Variants in TRIP10 observed in about 807,000 individuals in gnomAD.
The protein encoded by TRIP10 is thyroid hormone receptor interactor 10.
TRIP10 carries 54 observed loss-of-function variants against 80.9 expected under a neutral mutation model. That is an observed-to-expected ratio of 0.67 (90% CI 0.54 to 0.84). The LOEUF (loss-of-function observed/expected upper bound fraction) is 0.84. Among genes scored for constraint, TRIP10 ranks in the 40% least tolerant of loss-of-function variants. The pLI is 0.00. For synonymous variants in TRIP10, 321 were observed against 307.2 expected (o/e 1.04, Z -0.47); for missense variants, 773 against 815.3 (o/e 0.95, Z 0.63).
In TRIP10 at chr19:6,745,146, C is replaced by CGGGTA. The variant is rs71309647; in HGVS notation, c.984+154_984+155insGTAGG. ...CAGCCCGGACTGGAGGGAAGGAAGG[C>CGGGTA]GGCCGATTGGCCTGGGAGTCCCCCG... is the stretch of plus-strand genomic sequence containing the variant. On this transcript the variant is annotated intron_variant, in intron 9 of 14. Transcript: ENST00000313244. This position sits in a 1 kb window ranked among gnomAD's most constrained non-coding sequence, Gnocchi z 7.2. 2 of 1,122,178 alleles carry CGGGTA rather than the reference C, an allele frequency of 1.8e-6. No individual in the cohort carries two copies. The highest frequency in any genetic ancestry group is 3.0e-5 in the Admixed American group (1 of 33,828). 69.5% of individuals were successfully genotyped at this position (1,122,178 alleles called of 1,614,324 possible).
rs774537632 is a variant in TRIP10, at chr19:6,741,182, G to A, written c.141-43G>A. On this transcript the variant is annotated intron_variant, in intron 2 of 14. Transcript: ENST00000313244. ...GCGCCTGGGGCGACGGGGAGCGGTGGGAGGGCTGCGGGCTCAGCCCTCCTA... is the reference window on the plus strand; with the variant it reads ...GCGCCTGGGGCGACGGGGAGCGGTGAGAGGGCTGCGGGCTCAGCCCTCCTA... 8 of 1,613,318 alleles carry A rather than the reference G, an allele frequency of 5.0e-6. No homozygotes were observed. The African/African-American group carries it at 8.0e-5, about 16-fold the overall frequency.
chr19:6,750,143 G>GGGGGC, intron 12 of TRIP10, 77 bp downstream of exon 12: 3 of 842,270 alleles, frequency 3.6e-6, no homozygotes, highest in Non-Finnish European at 5.6e-6. Context: ...GGGGGTCGGG[G>GGGGGC]ACAGGGGAGG....
At position 6,743,767 on chromosome 19, in the gene TRIP10, G is replaced by T. The variant is rs371193305; in HGVS notation, c.573G>T (p.Ala191=). 1 of 1,613,812 alleles carries T rather than the reference G, an allele frequency of 6.2e-7. No homozygotes were observed. Among genetic ancestry groups the T allele is most frequent in the Non-Finnish European group, 8.5e-7 (1 of 1,179,990 alleles). Residue 191 remains alanine, a synonymous_variant, in exon 7 of 15, where the codon GCG becomes GCT. Transcript: ENST00000313244. ...HMAEESKNEY[A]AQLQRFNRDQ... ...CCGAAGAAAGCAAAAACGAATATGCGGCTCAACTGCAGCGCTTCAACCGAG... is the reference window on the plus strand; with the variant it reads ...CCGAAGAAAGCAAAAACGAATATGCTGCTCAACTGCAGCGCTTCAACCGAG...
rs764503264 is a variant in TRIP10, at chr19:6,751,370, C to T, written c.*159C>T. 2.1e-5 allele frequency: 29 copies of T among 1,410,976 alleles called. No homozygotes were observed. The highest frequency in any genetic ancestry group is 8.2e-5 in the East Asian group (3 of 36,484). 87.4% of individuals were successfully genotyped at this position (1,410,976 alleles called of 1,614,324 possible). Reference sequence around the variant, plus strand: ...CCCAACCCAGTCCTACCTGTCACACCGGACGGACCCGCTGTGCCTTCTACC... The same window carrying T: ...CCCAACCCAGTCCTACCTGTCACACTGGACGGACCCGCTGTGCCTTCTACC... On this transcript the variant is annotated 3_prime_UTR_variant, in exon 15 of 15. Transcript: ENST00000313244.
rs530922368 is a variant in TRIP10, at chr19:6,746,736, G to A, written c.1262+175G>A. On this transcript the variant is annotated intron_variant, in intron 11 of 14. Transcript: ENST00000313244. The surrounding 1 kb of genome is among the most constrained non-coding windows in gnomAD (Gnocchi z 6.2). Reference sequence around the variant, plus strand: ...GCTGTGATCTTAGCTCACTGCAATCGCCACATCCCAGGTTCAAGCAATTCT... The same window carrying A: ...GCTGTGATCTTAGCTCACTGCAATCACCACATCCCAGGTTCAAGCAATTCT... Among the ~76,000 whole-genome samples, 21 of 152,116 alleles carry A rather than the reference G, an allele frequency of 1.4e-4. No homozygotes were observed. The highest frequency in any genetic ancestry group is 3.9e-4 in the Admixed American group (6 of 15,292).
In TRIP10 at chr19:6,744,881, A is replaced by G. The variant is rs1232641224; in HGVS notation, c.871A>G (p.Met291Val). The change falls in exon 9 of 15, where the codon ATG (methionine) becomes GTG (valine). Residue 291 changes from methionine (M) to valine (V), a missense_variant. By Grantham distance (21) the Met-to-Val change is conservative. Transcript: ENST00000313244. This position sits in a 1 kb window ranked among gnomAD's most constrained non-coding sequence, Gnocchi z 4.9. The stretch of plus-strand genomic sequence containing the variant: ...GGAATTCGAGGACTTCAGCCAGCCC[A>G]TGAACCGTGCACCCTCCGACAGCAG... Reference protein sequence around the residue: ...DVEFEDFSQPMNRAPSDSSLG... With the variant: ...DVEFEDFSQPVNRAPSDSSLG... The G allele has an allele frequency of 1.2e-6, 2 of 1,614,248 alleles. No individual in the cohort carries two copies. Among genetic ancestry groups the G allele is most frequent in the Non-Finnish European group, 8.5e-7 (1 of 1,180,046 alleles).
chr19:6,743,254 A>G lies in TRIP10; in HGVS notation c.406A>G (p.Asn136Asp). ...GGAAAATGGCTTTAAACAGCTGGAG[A>G]ATGTGAGTTTGCAGAGGTAGCAGTG... The part of the protein sequence containing the change: ...QLENGFKQLE[N>D]SKRKFERDCR... Residue 136 changes from asparagine (N) to aspartate (D), a missense_variant and splice_region_variant, in exon 5 of 15, where the codon AAT becomes GAT. Physicochemically the swap from Asn to Asp is conservative, Grantham distance 23. Coordinates refer to ENST00000313244, the MANE Select transcript of TRIP10 (RefSeq NM_001288962.2). 1 of 1,613,428 alleles carries G rather than the reference A, an allele frequency of 6.2e-7. No homozygotes were observed. The highest frequency in any genetic ancestry group is 8.5e-7 in the Non-Finnish European group (1 of 1,179,934).
At position 6,746,206 on chromosome 19, in the gene TRIP10, G is replaced by T; in HGVS notation, c.1152+10G>T. ...TCGAGGCAGCCGTGGGGTAAGTGAG[G>T]CCTCGGGGCAGGAGGAGGTGGTGGC... On this transcript the variant is annotated intron_variant, in intron 10 of 14. Transcript: ENST00000313244. This position sits in a 1 kb window ranked among gnomAD's most constrained non-coding sequence, Gnocchi z 6.2. 3.9e-6 allele frequency: 6 copies of T among 1,519,420 alleles called. No individual in the cohort carries two copies. The highest frequency in any genetic ancestry group is 5.3e-6 in the Non-Finnish European group (6 of 1,128,278). 94.1% of individuals were successfully genotyped at this position (1,519,420 alleles called of 1,614,324 possible). A position where few individuals can be genotyped will look rare whatever the true frequency, so the allele number is the denominator to read the frequency against.
intron 12 of TRIP10, 77 bp downstream of exon 12, chr19:6,750,143 G>GGGGGGGGC: frequency 2.1e-5 from 18 of 842,202 alleles, no homozygotes; most frequent in Non-Finnish European, 3.0e-5. Context: ...GGGGGTCGGG[G>GGGGGGGGC]ACAGGGGAGG....
At chr19:6,740,985 C>T (rs1293446630) in intron 1 of TRIP10, 25 bp from the exon 2 acceptor site, 9 of 1,601,142 alleles carry the variant, frequency 5.6e-6, no homozygotes, top group Admixed American at 3.3e-5. Flanking sequence ...CCTCTCCCCT[C>T]CTCCCCCACC....
rs930472164 is a variant in TRIP10 at position 6,742,047 on chromosome 19, G to T, written c.197+766G>T. Among the ~76,000 whole-genome samples the T allele has an allele frequency of 2.0e-5, 3 of 151,116 alleles. No homozygotes were observed. In the East Asian group the frequency reaches 5.9e-4, roughly 30 times the overall value. On this transcript the variant is annotated intron_variant, in intron 3 of 14. Coordinates refer to ENST00000313244, the MANE Select transcript of TRIP10 (RefSeq NM_001288962.2). Reference sequence around the variant, plus strand: ...TAGCCAGGCTGGTAATTGTAGTTTTGACTTTTATCCCACTTAGTGTGAATG... The same window carrying T: ...TAGCCAGGCTGGTAATTGTAGTTTTTACTTTTATCCCACTTAGTGTGAATG...
In TRIP10 at chr19:6,746,027, A is replaced by T; in HGVS notation, c.985-2A>T. On this transcript the variant is annotated splice_acceptor_variant, in intron 9 of 14. Transcript: ENST00000313244. LOFTEE classifies it high-confidence loss of function. This position sits in a 1 kb window ranked among gnomAD's most constrained non-coding sequence, Gnocchi z 6.2. ...ATCCCCCTCCCCGGCCCCCGCCGGT[A>T]GCCTCGCCCCCCACCCCTCTCCCCC... 1.9e-6 allele frequency: 1 copy of T among 514,178 alleles called. No individual in the cohort carries two copies. Among genetic ancestry groups the T allele is most frequent in the Non-Finnish European group, 2.4e-6 (1 of 421,958 alleles). The allele number at this position is 514,178 out of a possible 1,614,324, so 31.9% of individuals were successfully genotyped here.
chr19:6,748,407 C>T (rs1307495999), intron 11 of TRIP10: 4 of 152,168 alleles, frequency 2.6e-5, no homozygotes, highest in East Asian at 1.9e-4. Flanking sequence ...ACAAACTGGA[C>T]TTGATTTCCA....
chr19:6,742,890 G>C (rs1401586276), intron 3 of TRIP10, 77 bp from the exon 4 acceptor site: 1 of 1,555,720 alleles, frequency 6.4e-7, no homozygotes, highest in Non-Finnish European at 8.7e-7. Flanking sequence ...TTTCCACCTG[G>C]AGGTGCGTCC....
chr19:6,740,861 C>T, intron 1 of TRIP10, 149 bp from the exon 2 acceptor site: 2 of 643,020 alleles, frequency 3.1e-6, no homozygotes, highest in Middle Eastern at 4.3e-4. Context: ...CTGCCTCCCC[C>T]CGCGCCACGC....
intron 11 of TRIP10, chr19:6,748,456 A>C (rs535312367): frequency 1.3e-5 from 2 of 152,240 alleles, no homozygotes; most frequent in South Asian, 4.2e-4. Flanking sequence ...TTTACCTTTT[A>C]ATTCCTCAGT....
intron 3 of TRIP10, 68 bp downstream of exon 3, chr19:6,741,349 TC>T: frequency 6.5e-7 from 1 of 1,531,362 alleles, no homozygotes. Flanking sequence ...TCACTTCCCC[TC>T]CCTCAGCTGG....
At chr19:6,747,943 TAGA>T (rs142268882) in intron 11 of TRIP10, among the ~76,000 whole-genome samples, 1,862 of 150,908 alleles carry the variant, frequency 0.012, 37 homozygotes, top group African/African-American at 0.039. Flanking sequence ...CCCCATCTCT[TAGA>T]AGAAGAAGAA....
At position 6,745,218 on chromosome 19, in the gene TRIP10, TTGTC is replaced by T; in HGVS notation, c.984+227_984+230del. Reference sequence around the variant, plus strand: ...GGGGAGGTGGGGAGGTCCGTGGCGTTTGTCTGCTGCTTCTCGGGATGCTGGGAGA... The same window carrying T: ...GGGGAGGTGGGGAGGTCCGTGGCGTTTGCTGCTTCTCGGGATGCTGGGAGA... On this transcript the variant is annotated intron_variant, in intron 9 of 14. Coordinates refer to ENST00000313244, the MANE Select transcript of TRIP10 (RefSeq NM_001288962.2). The surrounding 1 kb of genome is among the most constrained non-coding windows in gnomAD (Gnocchi z 7.2). 3.3e-6 allele frequency: 2 copies of T among 597,082 alleles called. No individual in the cohort carries two copies. The highest frequency in any genetic ancestry group is 1.9e-5 in the African/African-American group (1 of 52,866). 37.0% of individuals were successfully genotyped at this position (597,082 alleles called of 1,614,324 possible).
Sources: gnomAD v4.1 joint callset for allele counts (sites outside exome capture counted in the v4.1 genomes callset) on GRCh38, gnomAD v4.1.1 for gene constraint, Gnocchi (gnomAD v3.1) non-coding constraint, MANE v1.5 for transcripts, NCBI Gene and HGNC (gene_info 2026-07-23, HGNC 2026-07-21) for gene names.